Variants in ITGA11 observed in about 807,000 individuals in gnomAD.
ITGA11 encodes the protein integrin alpha-11.
Under a neutral mutation model 141.9 loss-of-function variants are expected in ITGA11, and 97 were observed. The ratio of observed to expected loss-of-function variants is 0.68; its 90% CI spans 0.58 to 0.81. The LOEUF (loss-of-function observed/expected upper bound fraction) is 0.81. Ranked by LOEUF, ITGA11 falls within the 30% of genes least tolerant of loss-of-function variation. ITGA11 has a pLI of 0.00. For synonymous variants in ITGA11, 658 were observed against 624.6 expected (o/e 1.05, Z -0.80); for missense variants, 1,387 against 1,559.2 (o/e 0.89, Z 1.86).
intron 1 of ITGA11, among the ~76,000 whole-genome samples, chr15:68,427,632 T>C (rs1024089243): frequency 1.3e-5 from 2 of 152,118 alleles, no homozygotes; most frequent in African/African-American, 4.8e-5. Flanking sequence ...CTCCATGGAA[T>C]TTTTTTGCAG....
intron 2 of ITGA11, among the ~76,000 whole-genome samples, chr15:68,393,899 T>A (rs558631456): frequency 6.6e-6 from 1 of 152,206 alleles, no homozygotes; most frequent in African/African-American, 2.4e-5. Flanking sequence ...GTAAAATATA[T>A]GACAAAAATA....
chr15:68,313,363 A>C (rs1020163430), intron 23 of ITGA11, among the ~76,000 whole-genome samples: 5 of 152,180 alleles, frequency 3.3e-5, no homozygotes, highest in Non-Finnish European at 5.9e-5. Flanking sequence ...TTTGGGGAAG[A>C]GTCTTTTCCC....
chr15:68,396,370 ATT>A (rs1468990057), intron 2 of ITGA11, among the ~76,000 whole-genome samples: 1 of 152,118 alleles, frequency 6.6e-6, no homozygotes, highest in Non-Finnish European at 1.5e-5. Flanking sequence ...CCTGTTCATA[ATT>A]TTTAAAAAAA....
chr15:68,389,342 T>C (rs1367076721), intron 2 of ITGA11, among the ~76,000 whole-genome samples: 3 of 152,214 alleles, frequency 2.0e-5, no homozygotes, highest in African/African-American at 2.4e-5. Flanking sequence ...AACCCACTTA[T>C]GCAAATACAC....
intron 28 of ITGA11, among the ~76,000 whole-genome samples, chr15:68,306,255 G>A (rs1026237749): frequency 1.3e-5 from 2 of 151,188 alleles, no homozygotes; most frequent in South Asian, 2.1e-4. Flanking sequence ...GGTTGAGTGG[G>A]GGTGGAAGAA....
At chr15:68,314,070 G>T (rs1415899336) in intron 22 of ITGA11, among the ~76,000 whole-genome samples, 1 of 152,218 alleles carries the variant, frequency 6.6e-6, no homozygotes, top group Admixed American at 6.5e-5. Context: ...TCTACCTGCT[G>T]CCCCTTTAGG....
intron 1 of ITGA11, among the ~76,000 whole-genome samples, chr15:68,409,015 C>G (rs895295942): frequency 6.6e-6 from 1 of 152,192 alleles, no homozygotes; most frequent in Non-Finnish European, 1.5e-5. Flanking sequence ...AGTAGCAAAC[C>G]TCTGGCACTG....
chr15:68,313,790 G>A lies in ITGA11; in HGVS notation c.2871C>T (p.Val957=). The change falls in exon 23 of 30, where the codon GTC becomes GTT. Residue 957 remains valine (V), a synonymous_variant. Coordinates refer to ENST00000315757, the MANE Select transcript of ITGA11 (RefSeq NM_001004439.2). ...LRFHLKYEAD[V]LFTRSSSLSH... is the part of the protein sequence containing the mutation. ...GGAGCCCGGCCCACCTGGTGAAGAGGACGTCAGCCTCGTATTTGAGGTGGA... is the reference window on the plus strand; with the variant it reads ...GGAGCCCGGCCCACCTGGTGAAGAGAACGTCAGCCTCGTATTTGAGGTGGA... 8 of 1,613,832 alleles carry A rather than the reference G, an allele frequency of 5.0e-6. No homozygotes were observed. The highest frequency in any genetic ancestry group is 6.8e-6 in the Non-Finnish European group (8 of 1,179,792).
intron 11 of ITGA11, among the ~76,000 whole-genome samples, chr15:68,339,030 C>T (rs1894468422): frequency 6.6e-6 from 1 of 152,234 alleles, no homozygotes. Context: ...ATTTGTGCTT[C>T]TATCTAGATA....
At chr15:68,374,826 G>C (rs1178616317) in intron 2 of ITGA11, among the ~76,000 whole-genome samples, 1 of 152,234 alleles carries the variant, frequency 6.6e-6, no homozygotes, top group East Asian at 1.9e-4. Flanking sequence ...GCCTCCCTCT[G>C]CAAGGCCTCA....
intron 1 of ITGA11, among the ~76,000 whole-genome samples, chr15:68,416,690 C>T (rs552736095): frequency 1.3e-5 from 2 of 152,098 alleles, no homozygotes; most frequent in East Asian, 1.9e-4. Flanking sequence ...CTTTGGGAGG[C>T]GGATTGCCTG....
Position 68,305,228 on chromosome 15 carries a change from T to C in ITGA11, c.3382-1343A>G, listed in dbSNP as rs1343482093. 1.3e-5 allele frequency among the ~76,000 whole-genome samples: 2 copies of C among 152,200 alleles called. No homozygotes were observed. Among genetic ancestry groups the C allele is most frequent in the Non-Finnish European group, 2.9e-5 (2 of 68,030 alleles). Reference sequence around the variant, plus strand: ...TTCCCTCTGCCTGCAAGGGTTTCCCTCACGCAGCCACGAGACACTCCTGTC... The same window carrying C: ...TTCCCTCTGCCTGCAAGGGTTTCCCCCACGCAGCCACGAGACACTCCTGTC... On this transcript the variant is annotated intron_variant, in intron 28 of 29. Transcript: ENST00000315757. This position sits in a 1 kb window ranked among gnomAD's most constrained non-coding sequence, Gnocchi z 4.6.
intron 1 of ITGA11, among the ~76,000 whole-genome samples, chr15:68,408,134 T>A (rs959033553): frequency 6.6e-6 from 1 of 152,174 alleles, no homozygotes; most frequent in African/African-American, 2.4e-5. Flanking sequence ...CAGATGCACG[T>A]TGCTTCCTCT....
At position 68,307,746 on chromosome 15, in the gene ITGA11, G is replaced by C; in HGVS notation, c.3175-50C>G. 1 of 1,321,672 alleles carries C rather than the reference G, an allele frequency of 7.6e-7. No homozygotes were observed. Among genetic ancestry groups the C allele is most frequent in the Non-Finnish European group, 1.1e-6 (1 of 922,540 alleles). 81.9% of individuals were successfully genotyped at this position (1,321,672 alleles called of 1,614,324 possible). ...GCTGAGCTGCTGGGCTAGGGGAGCAGGGGGCAGCAACACTGCTTGAACGAC... is the reference window on the plus strand; with the variant it reads ...GCTGAGCTGCTGGGCTAGGGGAGCACGGGGCAGCAACACTGCTTGAACGAC... On this transcript the variant is annotated intron_variant, in intron 26 of 29. Coordinates refer to ENST00000315757, the MANE Select transcript of ITGA11 (RefSeq NM_001004439.2). The surrounding 1 kb of genome is among the most constrained non-coding windows in gnomAD (Gnocchi z 6.1).
At chr15:68,346,908 C>T (rs1894760841) in intron 10 of ITGA11, among the ~76,000 whole-genome samples, 2 of 152,176 alleles carry the variant, frequency 1.3e-5, no homozygotes, top group South Asian at 2.1e-4. Context: ...AGGGGATCTT[C>T]GGATGAGGGG....
chr15:68,299,561 G>A lies in ITGA11; in HGVS notation c.*3498C>T, dbSNP rs1324454110. The A allele has an allele frequency of 5.3e-5, 8 of 152,286 alleles. 1 individual carries two copies. Among genetic ancestry groups the A allele is most frequent in the Admixed American group, 4.6e-4 (7 of 15,300 alleles). 9.4% of individuals were successfully genotyped at this position (152,286 alleles called of 1,614,324 possible). On this transcript the variant is annotated 3_prime_UTR_variant, in exon 30 of 30. Transcript: ENST00000315757. The stretch of plus-strand genomic sequence containing the variant: ...TAATGGCTGTATTTAAGTCACCCAA[G>A]GCACATTTGGGTGGTGAGGAGACTG...
chr15:68,339,181 A>T (rs559853676), intron 11 of ITGA11, among the ~76,000 whole-genome samples: 2 of 152,346 alleles, frequency 1.3e-5, no homozygotes, highest in Admixed American at 1.3e-4. Flanking sequence ...AGGCAGCCCC[A>T]AAAGCTTTAA....
chr15:68,356,087 T>G (rs1451286674), intron 7 of ITGA11, among the ~76,000 whole-genome samples: 3 of 147,132 alleles, frequency 2.0e-5, no homozygotes, highest in African/African-American at 7.3e-5. Context: ...TGAGTTCTGG[T>G]GTGATTTTAT....
rs1408431422 is a variant in ITGA11 at position 68,361,636 on chromosome 15, G to A, written c.426C>T (p.Val142=). 6.2e-7 allele frequency: 1 copy of A among 1,610,672 alleles called. No individual in the cohort carries two copies. The highest frequency in any genetic ancestry group is 8.5e-7 in the Non-Finnish European group (1 of 1,178,470). The change falls in exon 5 of 30, where the codon GTC becomes GTT. Residue 142 remains valine (V), a synonymous_variant. Coordinates refer to ENST00000315757, the MANE Select transcript of ITGA11 (RefSeq NM_001004439.2). The stretch of plus-strand genomic sequence containing the variant: ...TCTTGGAGAACCTGAAGTTGGAGTT[G>A]ACTCTTGAACACATCCCTGTGGTGT... ...SYYTTGMCSR[V]NSNFRFSKTV...
Sources: allele counts gnomAD v4.1 joint callset (sites outside exome capture counted in the v4.1 genomes callset), GRCh38; gene constraint gnomAD v4.1.1; non-coding constraint Gnocchi (gnomAD v3.1); transcripts MANE v1.5; gene names NCBI Gene and HGNC (gene_info 2026-07-23, HGNC 2026-07-21).